Variants in ST3GAL2 observed in about 807,000 individuals in gnomAD.
The protein encoded by ST3GAL2 is CMP-N-acetylneuraminate-beta-galactosamide-alpha-2,3-sialyltransferase 2.
A neutral mutation model predicts 37.5 loss-of-function variants in ST3GAL2; 16 were observed. The observed-to-expected ratio is 0.43, with a 90% CI of 0.29 to 0.65. The LOEUF is 0.65. ST3GAL2 is among the 30% of genes least tolerant of loss of function. The pLI is 0.17. For missense variants in ST3GAL2, 383 were observed against 487.8 expected (o/e 0.79, Z 2.02); for synonymous variants, 238 against 202.9 (o/e 1.17, Z -1.47).
At chr16:70,400,375 T>A (rs1193642190) in intron 1 of ST3GAL2, 1 of 152,582 alleles carries the variant, frequency 6.6e-6, no homozygotes, top group African/African-American at 2.4e-5. Context: ...GCACTGGCTG[T>A]GTGCCGTGGG....
At position 70,376,622 on chromosome 16, in the gene ST3GAL2, C is replaced by A. The variant is rs926159096; in HGVS notation, c.*5067G>T. 1 of 152,164 alleles carries A rather than the reference C, an allele frequency of 6.6e-6. No homozygotes were observed. The highest frequency in any genetic ancestry group is 2.4e-5 in the African/African-American group (1 of 41,428). 9.4% of individuals were successfully genotyped at this position (152,164 alleles called of 1,614,324 possible). A position where few individuals can be genotyped will look rare whatever the true frequency, so the allele number is the denominator to read the frequency against. On this transcript the variant is annotated 3_prime_UTR_variant, in exon 7 of 7. Transcript: ENST00000342907. The stretch of plus-strand genomic sequence containing the variant: ...AAGGGGCATTGATTCCTAATTCACA[C>A]TCAAAAGGGAATACTTTTATTTTTA...
At chr16:70,434,409 C>G (rs180735693) in intron 1 of ST3GAL2, among the ~76,000 whole-genome samples, 1 of 151,962 alleles carries the variant, frequency 6.6e-6, no homozygotes, top group Non-Finnish European at 1.5e-5. Flanking sequence ...TGTACTCCAG[C>G]CTGGCAACAG....
chr16:70,392,182 A>G (rs1240765383), intron 3 of ST3GAL2, among the ~76,000 whole-genome samples: 1 of 152,204 alleles, frequency 6.6e-6, no homozygotes, highest in African/African-American at 2.4e-5. Context: ...GCTTCCAAAC[A>G]TCTGGGAATG....
At chr16:70,408,901 A>AAAAAAAAAC (rs2047614182) in intron 1 of ST3GAL2, among the ~76,000 whole-genome samples, 1 of 88,286 alleles carries the variant, frequency 1.1e-5, no homozygotes, top group African/African-American at 6.4e-5. Context: ...AAAAAAAAAA[A>AAAAAAAAAC]AAAAAAAAAA....
chr16:70,398,113 G>A, intron 2 of ST3GAL2, 79 bp downstream of exon 2: 2 of 1,474,036 alleles, frequency 1.4e-6, no homozygotes, highest in Non-Finnish European at 1.8e-6. Context: ...AAGGCTCTGG[G>A]GGCCAGAAAT....
chr16:70,412,081 C>G (rs938752611), intron 1 of ST3GAL2, among the ~76,000 whole-genome samples: 6 of 152,100 alleles, frequency 3.9e-5, no homozygotes, highest in African/African-American at 1.4e-4. Context: ...CCTGCTCTTT[C>G]TTCAGGGGTT....
intron 1 of ST3GAL2, among the ~76,000 whole-genome samples, chr16:70,434,937 G>A (rs1179826636): frequency 6.6e-6 from 1 of 152,178 alleles, no homozygotes; most frequent in Non-Finnish European, 1.5e-5. Context: ...AAAGCACAAT[G>A]TAAGTGATGC....
At chr16:70,429,586 C>CT (rs2047774553) in intron 1 of ST3GAL2, among the ~76,000 whole-genome samples, 2 of 89,228 alleles carry the variant, frequency 2.2e-5, no homozygotes, top group Non-Finnish European at 3.7e-5. Context: ...AAGACTCTGT[C>CT]TCAAAAAAAA....
At chr16:70,381,928 G>C in intron 6 of ST3GAL2, 66 bp from the exon 7 acceptor site, 4 of 1,591,300 alleles carry the variant, frequency 2.5e-6, no homozygotes, top group South Asian at 1.1e-5. Context: ...GGGCGGGCTC[G>C]GGATGACAGG....
intron 1 of ST3GAL2, among the ~76,000 whole-genome samples, chr16:70,410,241 T>A (rs12932115): frequency 3.2e-5 from 2 of 63,426 alleles, no homozygotes; most frequent in Admixed American, 1.5e-4. Flanking sequence ...CACCCTCACC[T>A]TTTTTTTTTT....
intron 3 of ST3GAL2, among the ~76,000 whole-genome samples, 198 bp from the exon 4 acceptor site, chr16:70,388,744 A>T (rs769367439): frequency 9.2e-5 from 14 of 152,108 alleles, no homozygotes; most frequent in Admixed American, 3.3e-4. Context: ...TCACTGCAGA[A>T]TTATTTACAA....
intron 1 of ST3GAL2, chr16:70,400,731 G>C (rs748904799): frequency 6.6e-6 from 1 of 152,228 alleles, no homozygotes; most frequent in Non-Finnish European, 1.5e-5. Context: ...GGTGACTTTG[G>C]GATAGGCCAT....
chr16:70,431,866 A>G (rs992497780), intron 1 of ST3GAL2, among the ~76,000 whole-genome samples: 3 of 152,010 alleles, frequency 2.0e-5, no homozygotes, highest in African/African-American at 2.4e-5. Context: ...CGGGAGGCTG[A>G]GGCAGGAGAA....
chr16:70,437,466 A>T, intron 1 of ST3GAL2, among the ~76,000 whole-genome samples: 1 of 151,414 alleles, frequency 6.6e-6, no homozygotes, highest in Non-Finnish European at 1.5e-5. Flanking sequence ...GAAACTGGGG[A>T]TTGGGGTAGA....
Position 70,380,267 on chromosome 16 carries a change from T to G in ST3GAL2, c.*1422A>C, listed in dbSNP as rs897444464. The stretch of plus-strand genomic sequence containing the variant: ...CCATCCCAACCCTCCCCTAACAAAG[T>G]CCCCTGCCGGTCCCTGTTCCCTCAG... On this transcript the variant is annotated 3_prime_UTR_variant, in exon 7 of 7. Transcript: ENST00000342907. 1.3e-5 allele frequency: 2 copies of G among 152,044 alleles called. No homozygotes were observed. The highest frequency in any genetic ancestry group is 3.9e-4 in the East Asian group (2 of 5,176). The allele number at this position is 152,044 out of a possible 1,614,324, so 9.4% of individuals were successfully genotyped here.
intron 1 of ST3GAL2, among the ~76,000 whole-genome samples, chr16:70,401,314 G>A (rs1438755950): frequency 6.6e-6 from 1 of 152,188 alleles, no homozygotes; most frequent in Non-Finnish European, 1.5e-5. Flanking sequence ...TCAACGCAGG[G>A]GGCACGCGAA....
intron 3 of ST3GAL2, among the ~76,000 whole-genome samples, chr16:70,394,381 G>A (rs2047501522): frequency 6.6e-6 from 1 of 152,058 alleles, no homozygotes; most frequent in African/African-American, 2.4e-5. Context: ...GCTTCTGATG[G>A]GAATTTTTGT....
chr16:70,387,304 C>T (rs1222102726), intron 4 of ST3GAL2, among the ~76,000 whole-genome samples: 1 of 151,848 alleles, frequency 6.6e-6, no homozygotes, highest in Non-Finnish European at 1.5e-5. Flanking sequence ...CCTGTAATCT[C>T]AACACGATGG....
At chr16:70,387,564 T>A (rs571650665) in intron 4 of ST3GAL2, among the ~76,000 whole-genome samples, 10 of 151,666 alleles carry the variant, frequency 6.6e-5, no homozygotes, top group African/African-American at 9.7e-5. Flanking sequence ...CAAAAAAAAA[T>A]AAAATTAAAA....
Sources: gnomAD v4.1 joint callset for allele counts (sites outside exome capture counted in the v4.1 genomes callset) on GRCh38, gnomAD v4.1.1 for gene constraint, MANE v1.5 for transcripts, NCBI Gene and HGNC (gene_info 2026-07-23, HGNC 2026-07-21) for gene names.